ATP1B4: variants seen among roughly 807,000 people sequenced by gnomAD.
The protein encoded by ATP1B4 is protein ATP1B4.
Under a neutral mutation model 29.6 loss-of-function variants are expected in ATP1B4, and 32 were observed. The ratio of observed to expected loss-of-function variants is 1.08; its 90% CI spans 0.82 to 1.45. ATP1B4 has a LOEUF of 1.45. Ranked by LOEUF, ATP1B4 falls within the 40% of genes most tolerant of loss-of-function variation. The pLI is 0.00. For synonymous variants in ATP1B4, 127 were observed against 102.1 expected (o/e 1.24, Z -1.47); for missense variants, 323 against 276.2 (o/e 1.17, Z -1.20).
chrX:120,377,129 A>T (rs1482641098), intron 6 of ATP1B4, among the ~76,000 whole-genome samples: 1 of 112,301 alleles, frequency 8.9e-6, no homozygotes, highest in Non-Finnish European at 1.9e-5. Context: ...AGGCCTGGTA[A>T]TCCCATTCTC....
At chrX:120,375,302 C>G in intron 4 of ATP1B4, 70 bp from the exon 5 acceptor site, 1 of 964,285 alleles carries the variant, frequency 1.0e-6, no homozygotes, top group South Asian at 2.3e-5. Context: ...GGAGGGAGGA[C>G]TACTGAACGC....
chrX:120,379,760 T>A lies in ATP1B4; in HGVS notation c.*126T>A. On this transcript the variant is annotated 3_prime_UTR_variant, in exon 8 of 8. Coordinates refer to ENST00000218008, the MANE Select transcript of ATP1B4 (RefSeq NM_001142447.3). Reference sequence around the variant, plus strand: ...TGGACATCTAAGACAGCCGATCATCTTTCCTTGCCTATGACATGTGTATAA... The same window carrying A: ...TGGACATCTAAGACAGCCGATCATCATTCCTTGCCTATGACATGTGTATAA... 2 of 692,217 alleles carry A rather than the reference T, an allele frequency of 2.9e-6. No individual in the cohort carries two copies. The highest frequency in any genetic ancestry group is 4.1e-6 in the Non-Finnish European group (2 of 487,059). The allele number at this position is 692,217 out of a possible 1,213,427, so 57.0% of individuals were successfully genotyped here.
chrX:120,374,761 A>T (rs866803641), intron 4 of ATP1B4, among the ~76,000 whole-genome samples: 3 of 29,146 alleles, frequency 1.0e-4, no homozygotes, highest in African/African-American at 4.2e-4. Flanking sequence ...ATATATATAT[A>T]TTATATATAT....
intron 6 of ATP1B4, among the ~76,000 whole-genome samples, chrX:120,377,707 C>T (rs997399589): frequency 1.6e-4 from 18 of 111,602 alleles, no homozygotes; most frequent in Admixed American, 1.4e-3. Context: ...TAGCTACCTC[C>T]TTACATATTT....
In ATP1B4 at chrX:120,375,501, C is replaced by G. The variant is rs773049941; in HGVS notation, c.692C>G (p.Ser231Cys). 1.7e-6 allele frequency: 2 copies of G among 1,211,444 alleles called. No individual in the cohort carries two copies. The highest frequency in any genetic ancestry group is 2.2e-6 in the Non-Finnish European group (2 of 895,348). The change falls in exon 5 of 8, where the codon TCT (serine) becomes TGT (cysteine). Residue 231 changes from serine (S) to cysteine (C), a missense_variant. By Grantham distance (112) the Ser-to-Cys change is moderately radical. Coordinates refer to ENST00000218008, the MANE Select transcript of ATP1B4 (RefSeq NM_001142447.3). The part of the protein sequence containing the change: ...QFKRSFLKNC[S>C]GLEDPTFGYS... The stretch of plus-strand genomic sequence containing the variant: ...AAGCGCTCCTTCCTAAAGAACTGCT[C>G]TGGTCTGGAGGACCCAACTTTTGGA...
chrX:120,369,116 C>T (rs189923145), intron 2 of ATP1B4, among the ~76,000 whole-genome samples: 1 of 112,392 alleles, frequency 8.9e-6, no homozygotes, highest in African/African-American at 3.2e-5. Flanking sequence ...ATTGCTTTCC[C>T]TTCATCCATG....
intron 4 of ATP1B4, among the ~76,000 whole-genome samples, chrX:120,373,829 C>T (rs1040559585): frequency 4.5e-5 from 5 of 111,639 alleles, no homozygotes; most frequent in African/African-American, 1.6e-4. Context: ...TATCTTTTAA[C>T]TTATGCTTCT....
Position 120,374,796 on chromosome X carries a change from T to TTATATATAA in ATP1B4, c.563-568_563-567insATATATATA, listed in dbSNP as rs368874887. Among the ~76,000 whole-genome samples, 58 of 9,287 alleles carry TTATATATAA rather than the reference T, an allele frequency of 6.2e-3. 11 individuals carry two copies. The highest frequency in any genetic ancestry group is 0.033 in the African/African-American group (49 of 1,472). The allele number at this position is 9,287 out of a possible 115,157, so 8.1% of individuals were successfully genotyped here. A position where few individuals can be genotyped will look rare whatever the true frequency, so the allele number is the denominator to read the frequency against. ...TATAATATATATATATTATATACCC[T>TTATATATAA]TATATATATTATATTATATATAAGG... On this transcript the variant is annotated intron_variant, in intron 4 of 7. Coordinates refer to ENST00000218008, the MANE Select transcript of ATP1B4 (RefSeq NM_001142447.3).
At chrX:120,363,717 C>T (rs5910843) in intron 1 of ATP1B4, among the ~76,000 whole-genome samples, 47,844 of 110,427 alleles carry the variant, frequency 0.43, 8,069 homozygotes, top group Middle Eastern at 0.58. Context: ...TCTTCCCTTT[C>T]AGGGAAACCT....
chrX:120,366,545 C>T lies in ATP1B4; in HGVS notation c.84C>T (p.Asn28=), dbSNP rs2058286762. Residue 28 remains asparagine (N), a synonymous_variant, in exon 2 of 8, where the codon AAC becomes AAT. Coordinates refer to ENST00000218008, the MANE Select transcript of ATP1B4 (RefSeq NM_001142447.3). ...RYRLDDPDEA[N]QNYLADEEEE... is the part of the protein sequence containing the mutation. Reference sequence around the variant, plus strand: ...TCCAGGATGATCCGGATGAAGCGAACCAGAACTACTTAGCAGATGAAGAGG... The same window carrying T: ...TCCAGGATGATCCGGATGAAGCGAATCAGAACTACTTAGCAGATGAAGAGG... The T allele has an allele frequency of 8.3e-7, 1 of 1,205,613 alleles. No individual in the cohort carries two copies. Among genetic ancestry groups the T allele is most frequent in the Admixed American group, 2.2e-5 (1 of 45,390 alleles).
At chrX:120,369,690 A>G (rs2058303275) in intron 2 of ATP1B4, among the ~76,000 whole-genome samples, 1 of 111,998 alleles carries the variant, frequency 8.9e-6, no homozygotes, top group African/African-American at 3.3e-5. Flanking sequence ...ACCTAGTCCT[A>G]ATACAGCCCA....
chrX:120,374,350 G>A (rs1411347805), intron 4 of ATP1B4, among the ~76,000 whole-genome samples: 1 of 105,310 alleles, frequency 9.5e-6, no homozygotes, highest in African/African-American at 3.5e-5. Flanking sequence ...GTAGCCATAA[G>A]GGCAATCCCA....
At chrX:120,374,482 A>G (rs925054164) in intron 4 of ATP1B4, among the ~76,000 whole-genome samples, 1 of 93,737 alleles carries the variant, frequency 1.1e-5, no homozygotes, top group Non-Finnish European at 2.1e-5. Context: ...ATACCCTTAT[A>G]TATACCAGGA....
chrX:120,364,009 G>A (rs927495712), intron 1 of ATP1B4, among the ~76,000 whole-genome samples: 8 of 111,358 alleles, frequency 7.2e-5, no homozygotes, highest in African/African-American at 2.6e-4. Context: ...GGTTCCTAAA[G>A]TAAAGCTCAG....
intron 4 of ATP1B4, 72 bp downstream of exon 4, chrX:120,371,282 C>T: frequency 5.7e-6 from 5 of 874,433 alleles, no homozygotes; most frequent in Non-Finnish European, 8.4e-6. Context: ...ATTCAAAATT[C>T]ACCTGGCCCA....
At chrX:120,371,884 G>T (rs2058315443) in intron 4 of ATP1B4, among the ~76,000 whole-genome samples, 1 of 112,421 alleles carries the variant, frequency 8.9e-6, no homozygotes, top group South Asian at 3.7e-4. Context: ...TAGCCAGGAT[G>T]GTCTTGATCT....
chrX:120,379,163 G>T (rs752190491), intron 7 of ATP1B4, among the ~76,000 whole-genome samples: 1 of 110,862 alleles, frequency 9.0e-6, no homozygotes, highest in Non-Finnish European at 1.9e-5. Flanking sequence ...CCCAACACAG[G>T]GACTCGATAG....
chrX:120,376,779 G>C (rs182578310), intron 6 of ATP1B4, among the ~76,000 whole-genome samples: 2 of 112,322 alleles, frequency 1.8e-5, no homozygotes, highest in Non-Finnish European at 3.8e-5. Flanking sequence ...TTTGCTTTTA[G>C]CTCTAATTAC....
At chrX:120,368,613 G>A (rs1328096347) in intron 2 of ATP1B4, among the ~76,000 whole-genome samples, 1 of 111,879 alleles carries the variant, frequency 8.9e-6, no homozygotes, top group Non-Finnish European at 1.9e-5. Flanking sequence ...TTACTAAGTG[G>A]CAGTGCTGGG....
Sources: allele counts gnomAD v4.1 joint callset (sites outside exome capture counted in the v4.1 genomes callset), GRCh38; gene constraint gnomAD v4.1.1; transcripts MANE v1.5; gene names NCBI Gene and HGNC (gene_info 2026-07-23, HGNC 2026-07-21).